The following NFX1 variants were observed in gnomAD, a reference collection of about 807,000 sequenced individuals.
NFX1 encodes the protein nuclear transcription factor, X-box binding 1.
Under a neutral mutation model 137.2 loss-of-function variants are expected in NFX1, and 69 were observed. That is an observed-to-expected ratio of 0.50 (90% CI 0.41 to 0.61). NFX1 has a LOEUF of 0.61. NFX1 is among the 20% of genes least tolerant of loss of function. The pLI is 0.00. For synonymous variants in NFX1, 495 were observed against 474.1 expected, an observed-to-expected ratio of 1.04 and a Z score of -0.57; for missense variants, 1,167 against 1,391.0, an observed-to-expected ratio of 0.84 and a Z score of 2.56.
chr9:33,311,296 C>T, intron 6 of NFX1, 119 bp downstream of exon 6: 6 of 714,560 alleles, frequency 8.4e-6, no homozygotes, highest in Non-Finnish European at 8.9e-6. Context: ...ATGAATAGTA[C>T]TTTTTTTTTT....
chr9:33,301,240 T>C, intron 2 of NFX1, 23 bp from the exon 3 acceptor site: 2 of 1,605,624 alleles, frequency 1.2e-6, no homozygotes, highest in Non-Finnish European at 1.7e-6. Context: ...TTAATCTTTT[T>C]TGTTATTTTG....
chr9:33,298,983 T>C lies in NFX1; in HGVS notation c.1034-2280T>C, dbSNP rs542047834. 2.6e-5 allele frequency among the ~76,000 whole-genome samples: 4 copies of C among 152,286 alleles called. No homozygotes were observed. The East Asian group carries it at 7.7e-4, about 29-fold the overall frequency. On this transcript the variant is annotated intron_variant, in intron 2 of 23. Coordinates refer to ENST00000379540, the MANE Select transcript of NFX1 (RefSeq NM_002504.6). ...TTTATGCCTGAGCAACTTAAAAGAA[T>C]GGAATTGGCATTTACTGAAGTGTCA... is the stretch of plus-strand genomic sequence containing the variant.
At chr9:33,306,093 G>A (rs541105883) in intron 4 of NFX1, among the ~76,000 whole-genome samples, 1 of 152,288 alleles carries the variant, frequency 6.6e-6, no homozygotes, top group South Asian at 2.1e-4. Context: ...AAAGCACAGA[G>A]GCAGGGAGGC....
At chr9:33,291,032 T>A (rs902814048) in intron 1 of NFX1, among the ~76,000 whole-genome samples, 1 of 152,230 alleles carries the variant, frequency 6.6e-6, no homozygotes, top group Non-Finnish European at 1.5e-5. Context: ...AGTCTCAGCC[T>A]GCTGCGAACC....
chr9:33,326,367 C>T (rs908736726), intron 9 of NFX1, among the ~76,000 whole-genome samples: 1 of 145,224 alleles, frequency 6.9e-6, no homozygotes, highest in Admixed American at 7.1e-5. Context: ...GAGCCAAGAT[C>T]ATGCCACTGC....
At chr9:33,336,062 T>C (rs1822990418) in intron 11 of NFX1, among the ~76,000 whole-genome samples, 1 of 152,186 alleles carries the variant, frequency 6.6e-6, no homozygotes, top group Non-Finnish European at 1.5e-5. Context: ...AGGAGTAGAA[T>C]TGCTGGATCC....
chr9:33,358,244 C>T (rs1007772476), intron 19 of NFX1, among the ~76,000 whole-genome samples: 6 of 151,932 alleles, frequency 3.9e-5, no homozygotes, highest in Non-Finnish European at 5.9e-5. Flanking sequence ...CCTGCCTCAG[C>T]GTCCCAAGTA....
chr9:33,318,817 A>G lies in NFX1; in HGVS notation c.1675A>G (p.Lys559Glu). The G allele has an allele frequency of 6.2e-7, 1 of 1,614,194 alleles. No individual in the cohort carries two copies. Among genetic ancestry groups the G allele is most frequent in the East Asian group, 2.2e-5 (1 of 44,892 alleles). The change falls in exon 8 of 24, where the codon AAG (lysine) becomes GAG (glutamate). Residue 559 changes from lysine (K) to glutamate (E), a missense_variant. Lys to Glu is a moderately conservative substitution (Grantham distance 56). Transcript: ENST00000379540. ...SDGFGDFSCLKICGKDLKCGN... is the reference protein window; with the variant it reads ...SDGFGDFSCLEICGKDLKCGN... ...TGGATTTGGGGATTTCAGCTGTTTA[A>G]AGATATGTGGCAAGTAAGGTTTTAC...
chr9:33,351,867 G>T, intron 16 of NFX1, 77 bp downstream of exon 16: 2 of 1,256,402 alleles, frequency 1.6e-6, no homozygotes, highest in Non-Finnish European at 2.2e-6. Flanking sequence ...GTCTACAGTG[G>T]CCCCTGGGCA....
intron 1 of NFX1, among the ~76,000 whole-genome samples, chr9:33,291,371 A>G (rs1475913991): frequency 6.6e-6 from 1 of 152,248 alleles, no homozygotes; most frequent in Non-Finnish European, 1.5e-5. Context: ...GGTTTGTTTT[A>G]CAATCAGCAA....
rs556641959 is a variant in NFX1 at position 33,368,759 on chromosome 9, G to A, written c.3290+1140G>A. On this transcript the variant is annotated intron_variant, in intron 23 of 23. Coordinates refer to ENST00000379540, the MANE Select transcript of NFX1 (RefSeq NM_002504.6). ...CACAAAACCTCTGAAGGGTGGTTACGGCAGTTCACAAGGTCACCATGAAGG... is the reference window on the plus strand; with the variant it reads ...CACAAAACCTCTGAAGGGTGGTTACAGCAGTTCACAAGGTCACCATGAAGG... Among the ~76,000 whole-genome samples, 5 of 152,280 alleles carry A rather than the reference G, an allele frequency of 3.3e-5. No individual in the cohort carries two copies. In the South Asian group the frequency reaches 6.2e-4, roughly 19 times the overall value.
rs1485413102 is a variant in NFX1 at position 33,352,640 on chromosome 9, C to T, written c.2656-6C>T. 1 of 1,613,786 alleles carries T rather than the reference C, an allele frequency of 6.2e-7. No homozygotes were observed. Among genetic ancestry groups the T allele is most frequent in the African/African-American group, 1.3e-5 (1 of 74,936 alleles). On this transcript the variant is annotated splice_polypyrimidine_tract_variant and splice_region_variant and intron_variant, in intron 16 of 23. Transcript: ENST00000379540. ...TAAAAGTCGTTCCATGTTCATCTGA[C>T]TTCAGGTAGAGCTACAGTGTGAATG...
intron 2 of NFX1, 65 bp downstream of exon 2, chr9:33,295,492 T>G (rs1821322602): frequency 6.8e-7 from 1 of 1,460,400 alleles, no homozygotes; most frequent in African/African-American, 1.4e-5. Flanking sequence ...ATAAGTCATA[T>G]ATTCACATAA....
intron 15 of NFX1, among the ~76,000 whole-genome samples, chr9:33,350,459 C>T (rs1823597444): frequency 6.6e-6 from 1 of 152,280 alleles, no homozygotes; most frequent in Non-Finnish European, 1.5e-5. Flanking sequence ...GATCATCTGC[C>T]CCTGCCAGTT....
At chr9:33,342,498 G>A (rs1217813466) in intron 12 of NFX1, among the ~76,000 whole-genome samples, 1 of 152,168 alleles carries the variant, frequency 6.6e-6, no homozygotes, top group Non-Finnish European at 1.5e-5. Context: ...ATATGCAGAA[G>A]CAGAGAGACT....
rs2118720888 is a variant in NFX1, at chr9:33,370,407, A to G, written c.*429A>G. The G allele has an allele frequency of 6.4e-6, 1 of 155,280 alleles. No homozygotes were observed. The highest frequency in any genetic ancestry group is 2.4e-5 in the African/African-American group (1 of 41,666). 9.6% of individuals were successfully genotyped at this position (155,280 alleles called of 1,614,324 possible). A position where few individuals can be genotyped will look rare whatever the true frequency, so the allele number is the denominator to read the frequency against. On this transcript the variant is annotated 3_prime_UTR_variant, in exon 24 of 24. Coordinates refer to ENST00000379540, the MANE Select transcript of NFX1 (RefSeq NM_002504.6). ...GACAGACATTGCTTGCTTTACCCAA[A>G]CTGATCAAAATCTTTAGGAGCACAA...
rs1412703949 is a variant in NFX1, at chr9:33,313,637, A to G, written c.1449-17A>G. 2.5e-6 allele frequency: 4 copies of G among 1,613,344 alleles called. No homozygotes were observed. Among genetic ancestry groups the G allele is most frequent in the Non-Finnish European group, 3.4e-6 (4 of 1,179,500 alleles). ...ACTTTTACACTGATGCTGTCTTTAC[A>G]TCTATTGTCTTTACAGGCACACAGT... On this transcript the variant is annotated splice_polypyrimidine_tract_variant and intron_variant, in intron 6 of 23. Coordinates refer to ENST00000379540, the MANE Select transcript of NFX1 (RefSeq NM_002504.6).
At chr9:33,366,021 C>G (rs1243885173) in intron 21 of NFX1, 1 of 152,358 alleles carries the variant, frequency 6.6e-6, no homozygotes, top group Admixed American at 6.5e-5. Context: ...TGAGTAAGGA[C>G]AAGATGGTTG....
intron 12 of NFX1, among the ~76,000 whole-genome samples, chr9:33,340,707 C>T (rs1823190120): frequency 6.6e-6 from 1 of 152,214 alleles, no homozygotes. Context: ...ACCCAAGTCA[C>T]CTCTTGAATG....
Sources: allele counts gnomAD v4.1 joint callset (sites outside exome capture counted in the v4.1 genomes callset), GRCh38; gene constraint gnomAD v4.1.1; transcripts MANE v1.5; gene names NCBI Gene and HGNC (gene_info 2026-07-23, HGNC 2026-07-21).